The following RGS6 variants were observed in gnomAD, a reference collection of about 807,000 sequenced individuals.
The protein encoded by RGS6 is regulator of G-protein signaling 6.
Under a neutral mutation model 78.5 loss-of-function variants are expected in RGS6, and 30 were observed. The observed-to-expected ratio is 0.38, with a 90% CI of 0.29 to 0.52. RGS6 has a LOEUF of 0.52. RGS6 is among the 20% of genes least tolerant of loss of function. RGS6 has a pLI of 0.85. For synonymous variants in RGS6, 206 were observed against 206.0 expected (o/e 1.00, Z 0.00); for missense variants, 495 against 609.7 (o/e 0.81, Z 1.98).
intron 17 of RGS6, among the ~76,000 whole-genome samples, chr14:72,549,311 A>C (rs554946536): frequency 6.6e-6 from 1 of 152,096 alleles, no homozygotes. Flanking sequence ...TCTCTCCCGA[A>C]TGTCTGAAAG....
At chr14:72,395,262 G>A (rs994680723) in intron 3 of RGS6, among the ~76,000 whole-genome samples, 5 of 152,054 alleles carry the variant, frequency 3.3e-5, no homozygotes, top group South Asian at 2.1e-4. Context: ...CAGAAATAAC[G>A]ATGTTGAGCA....
At chr14:72,489,852 G>T (rs750496342) in intron 12 of RGS6, among the ~76,000 whole-genome samples, 11 of 152,214 alleles carry the variant, frequency 7.2e-5, no homozygotes, top group Non-Finnish European at 1.6e-4. Context: ...ATAAACTTCT[G>T]TTGTTTTAAC....
chr14:72,002,754 C>T (rs1386401129), intron 2 of RGS6, among the ~76,000 whole-genome samples: 1 of 152,088 alleles, frequency 6.6e-6, no homozygotes, highest in Non-Finnish European at 1.5e-5. Context: ...CATACATTAT[C>T]CTCTGGACAC....
At chr14:72,038,685 C>A (rs1482794444) in intron 2 of RGS6, among the ~76,000 whole-genome samples, 1 of 152,000 alleles carries the variant, frequency 6.6e-6, no homozygotes, top group Admixed American at 6.6e-5. Flanking sequence ...TTATTTTAAA[C>A]AGCATTTAAA....
At chr14:71,879,587 A>G in the RGS6 span, among the ~76,000 whole-genome samples, 1 of 152,174 alleles carries the variant, frequency 6.6e-6, no homozygotes, top group African/African-American at 2.4e-5. Flanking sequence ...GTGGTAGTGA[A>G]TAAGTCTCAC....
upstream of RGS6, among the ~76,000 whole-genome samples, chr14:71,928,401 T>G (rs1235895340): frequency 6.6e-6 from 1 of 152,196 alleles, no homozygotes; most frequent in Non-Finnish European, 1.5e-5. Context: ...TAAGAAAATG[T>G]GGGAGTTTGA....
the RGS6 span, among the ~76,000 whole-genome samples, chr14:71,925,807 A>T: frequency 6.8e-6 from 1 of 147,630 alleles, no homozygotes; most frequent in Non-Finnish European, 1.5e-5. Context: ...CCAGTATCAC[A>T]CTGTCTTGAT....
At chr14:72,375,619 A>C (rs532394404) in intron 3 of RGS6, among the ~76,000 whole-genome samples, 1 of 152,312 alleles carries the variant, frequency 6.6e-6, no homozygotes, top group East Asian at 1.9e-4. Flanking sequence ...GCCAGACCCC[A>C]AGAAAGCTGA....
intron 2 of RGS6, among the ~76,000 whole-genome samples, chr14:72,017,077 G>A (rs562787416): frequency 6.6e-6 from 1 of 151,996 alleles, no homozygotes; most frequent in Non-Finnish European, 1.5e-5. Context: ...AGATCTCCCA[G>A]GCTGGAGTGC....
chr14:71,933,636 G>A (rs1416775287), intron 1 of RGS6, among the ~76,000 whole-genome samples: 1 of 152,180 alleles, frequency 6.6e-6, no homozygotes, highest in Non-Finnish European at 1.5e-5. Flanking sequence ...TTTCATTTTT[G>A]TTTCTTAATT....
intron 3 of RGS6, among the ~76,000 whole-genome samples, chr14:72,367,471 C>T (rs544817001): frequency 6.6e-6 from 1 of 152,212 alleles, no homozygotes; most frequent in South Asian, 2.1e-4. Context: ...ATAAACCTAC[C>T]AGCCTCCTCT....
chr14:72,602,311 C>T, the RGS6 span, among the ~76,000 whole-genome samples: 2 of 152,056 alleles, frequency 1.3e-5, no homozygotes, highest in East Asian at 1.9e-4. Context: ...ACATGGTCGA[C>T]GAGAGGATGG....
At chr14:72,487,003 T>C (rs1328197369) in intron 12 of RGS6, among the ~76,000 whole-genome samples, 1 of 152,116 alleles carries the variant, frequency 6.6e-6, no homozygotes, top group Non-Finnish European at 1.5e-5. Context: ...TGCTACTCTC[T>C]CTGGGAAGGA....
intron 2 of RGS6, among the ~76,000 whole-genome samples, chr14:72,192,481 T>C (rs2283413): frequency 0.17 from 25,224 of 152,174 alleles, 2,139 homozygotes; most frequent in South Asian, 0.2. Context: ...CTCATCCTGT[T>C]CTAGGCCCCA....
At chr14:72,013,906 A>G (rs1019060285) in intron 2 of RGS6, among the ~76,000 whole-genome samples, 1 of 152,142 alleles carries the variant, frequency 6.6e-6, no homozygotes, top group Non-Finnish European at 1.5e-5. Flanking sequence ...TCTTTAATTC[A>G]TGTGCTGTTC....
chr14:72,076,246 C>G (rs2094570125), intron 2 of RGS6, among the ~76,000 whole-genome samples: 1 of 152,200 alleles, frequency 6.6e-6, no homozygotes, highest in Admixed American at 6.5e-5. Context: ...TATTCTATAG[C>G]TGTTCCTTTT....
intron 1 of RGS6, among the ~76,000 whole-genome samples, chr14:71,961,822 A>T (rs930398250): frequency 3.9e-5 from 6 of 152,250 alleles, no homozygotes; most frequent in Non-Finnish European, 7.3e-5. Flanking sequence ...ATATGTATAT[A>T]TAAGTACAAT....
Position 72,412,571 on chromosome 14 carries a change from G to C in RGS6, c.185-41957G>C, listed in dbSNP as rs140508226. ...GTTTTTTGTGTCTCTATCTCCTTCA[G>C]TTCTCCTCTGATCTTAGTTATTTCT... is the stretch of plus-strand genomic sequence containing the variant. On this transcript the variant is annotated intron_variant, in intron 3 of 17. Coordinates refer to ENST00000553525, the MANE Select transcript of RGS6 (RefSeq NM_001204424.2). Among the ~76,000 whole-genome samples, 234 of 152,106 alleles carry C rather than the reference G, an allele frequency of 1.5e-3. 7 individuals are homozygous for C. The East Asian group carries it at 0.042, about 28-fold the overall frequency.
chr14:72,253,718 G>GT (rs2056407844), intron 2 of RGS6, among the ~76,000 whole-genome samples: 1 of 152,190 alleles, frequency 6.6e-6, no homozygotes, highest in South Asian at 2.1e-4. Flanking sequence ...AAGAAGTGGT[G>GT]TAAGTGGTGG....
Sources: gnomAD v4.1 joint callset for allele counts (sites outside exome capture counted in the v4.1 genomes callset) on GRCh38, gnomAD v4.1.1 for gene constraint, MANE v1.5 for transcripts, NCBI Gene and HGNC (gene_info 2026-07-23, HGNC 2026-07-21) for gene names.